AOPEP: variants seen among roughly 807,000 people sequenced by gnomAD.
AOPEP encodes the protein aminopeptidase O.
In AOPEP, 77 loss-of-function variants were observed where a neutral mutation model predicts 98.1. The ratio of observed to expected loss-of-function variants is 0.78; its 90% CI spans 0.65 to 0.95. The LOEUF is 0.95. Ranked by LOEUF, AOPEP falls within the 40% of genes least tolerant of loss-of-function variation. The probability of loss-of-function intolerance (pLI) is 0.00; values close to 1 mark genes in which losing one functional copy is unlikely to be tolerated. For missense variants in AOPEP, 1,024 were observed against 1,024.7 expected, an observed-to-expected ratio of 1.00 and a Z score of 0.01; for synonymous variants, 346 against 365.3, an observed-to-expected ratio of 0.95 and a Z score of 0.60.
At chr9:95,029,682 G>A (rs1195310113) in intron 13 of AOPEP, among the ~76,000 whole-genome samples, 1 of 152,148 alleles carries the variant, frequency 6.6e-6, no homozygotes, top group Admixed American at 6.5e-5. Context: ...TGTTTTGTAA[G>A]CATCTTCTCC....
intron 1 of AOPEP, among the ~76,000 whole-genome samples, chr9:94,752,283 T>C (rs1234646931): frequency 6.6e-6 from 1 of 151,968 alleles, no homozygotes; most frequent in Non-Finnish European, 1.5e-5. Context: ...TCAACTGAAG[T>C]GTAAGGAAAT....
At chr9:95,071,032 A>C (rs115020271) in intron 14 of AOPEP, among the ~76,000 whole-genome samples, 2,084 of 152,334 alleles carry the variant, frequency 0.014, 43 homozygotes, top group African/African-American at 0.047. Context: ...AGTGAGCTGT[A>C]GTATATTAAC....
the AOPEP span, chr9:95,110,884 A>G: frequency 8.1e-7 from 1 of 1,234,806 alleles, no homozygotes. Context: ...ACAGTTATCC[A>G]GTCCCATACT....
At chr9:94,955,450 A>G (rs1359760688) in intron 8 of AOPEP, among the ~76,000 whole-genome samples, 171 bp downstream of exon 8, 1 of 152,204 alleles carries the variant, frequency 6.6e-6, no homozygotes. Context: ...CCAAAAAAGG[A>G]GACCAAGTTA....
At chr9:94,836,782 G>C (rs2041655470) in intron 5 of AOPEP, among the ~76,000 whole-genome samples, 1 of 151,492 alleles carries the variant, frequency 6.6e-6, no homozygotes, top group Admixed American at 6.5e-5. Context: ...TCTAACTCCA[G>C]ATCACAGAGA....
At chr9:95,087,961 A>C (rs772532701), downstream of AOPEP, among the ~76,000 whole-genome samples, 3 of 152,194 alleles carry the variant, frequency 2.0e-5, no homozygotes, top group Non-Finnish European at 4.4e-5. Context: ...GGATCTCATT[A>C]GAAGCTCTGG....
chr9:94,763,833 G>A (rs1838942944), intron 2 of AOPEP, among the ~76,000 whole-genome samples: 1 of 152,192 alleles, frequency 6.6e-6, no homozygotes, highest in Non-Finnish European at 1.5e-5. Flanking sequence ...CCAAAAGTAT[G>A]AAATAGCCAT....
Position 94,997,004 on chromosome 9 carries a change from T to C in AOPEP, c.1978-8154T>C, listed in dbSNP as rs575095731. 3.3e-5 allele frequency among the ~76,000 whole-genome samples: 5 copies of C among 152,308 alleles called. No homozygotes were observed. In the East Asian group the frequency reaches 9.6e-4, roughly 29 times the overall value. On this transcript the variant is annotated intron_variant, in intron 11 of 16. Coordinates refer to ENST00000375315, the MANE Select transcript of AOPEP (RefSeq NM_001193329.3). ...AATGGATGGCAGCCCTCAGCATAAT[T>C]AGAACATCATCTACAGATGATGAGT...
At chr9:95,062,111 A>G (rs570444153) in intron 14 of AOPEP, among the ~76,000 whole-genome samples, 1 of 152,310 alleles carries the variant, frequency 6.6e-6, no homozygotes, top group African/African-American at 2.4e-5. Context: ...TCCGTTTAGC[A>G]TAAAACATGT....
the AOPEP span, among the ~76,000 whole-genome samples, chr9:95,142,294 C>T: frequency 4.6e-5 from 7 of 151,754 alleles, no homozygotes; most frequent in African/African-American, 1.5e-4. Context: ...TGCCCGGCCA[C>T]CAACAGTTTT....
the AOPEP span, among the ~76,000 whole-genome samples, chr9:95,142,169 T>A: frequency 6.6e-6 from 1 of 151,928 alleles, no homozygotes; most frequent in African/African-American, 2.4e-5. Context: ...ATTTTTGTAT[T>A]TTTAGTAGAG....
At chr9:94,831,246 G>A (rs1189679608) in intron 5 of AOPEP, among the ~76,000 whole-genome samples, 1 of 152,134 alleles carries the variant, frequency 6.6e-6, no homozygotes, top group Non-Finnish European at 1.5e-5. Flanking sequence ...TTAAGGAAGG[G>A]GTTCCAGTTT....
intron 13 of AOPEP, among the ~76,000 whole-genome samples, chr9:95,030,063 T>C (rs975099475): frequency 6.6e-6 from 1 of 152,372 alleles, no homozygotes; most frequent in Admixed American, 6.5e-5. Flanking sequence ...GCATATTTAG[T>C]TTCTTGTTTT....
intron 13 of AOPEP, among the ~76,000 whole-genome samples, chr9:95,026,754 T>C (rs1414378146): frequency 6.6e-6 from 1 of 151,882 alleles, no homozygotes; most frequent in Admixed American, 6.6e-5. Flanking sequence ...GTAAATGGAG[T>C]GATTTAAGAA....
At chr9:94,772,792 A>T (rs1417335559) in intron 2 of AOPEP, among the ~76,000 whole-genome samples, 1 of 152,214 alleles carries the variant, frequency 6.6e-6, no homozygotes, top group Non-Finnish European at 1.5e-5. Flanking sequence ...TTACATATTT[A>T]AGTAATTCAT....
chr9:95,000,100 G>A (rs941078986), intron 11 of AOPEP, among the ~76,000 whole-genome samples: 8 of 152,042 alleles, frequency 5.3e-5, no homozygotes, highest in African/African-American at 1.9e-4. Flanking sequence ...TAAGAGGTCC[G>A]TTTGGCAGGG....
rs969169341 is a variant in AOPEP at position 94,972,150 on chromosome 9, G to A, written c.1916+4349G>A. On this transcript the variant is annotated intron_variant, in intron 10 of 16. Transcript: ENST00000375315. This position sits in a 1 kb window ranked among gnomAD's most constrained non-coding sequence, Gnocchi z 4.2. ...GGTGGTGGGTTTGAGAGTAAATAAC[G>A]GCCAAGGCATACTTTAGAGTTGCCA... Among the ~76,000 whole-genome samples the A allele has an allele frequency of 3.3e-5, 5 of 152,136 alleles. No homozygotes were observed. Among genetic ancestry groups the A allele is most frequent in the African/African-American group, 1.2e-4 (5 of 41,412 alleles).
intron 2 of AOPEP, among the ~76,000 whole-genome samples, chr9:94,761,794 G>A (rs556222942): frequency 4.1e-4 from 62 of 152,306 alleles, no homozygotes; most frequent in Admixed American, 1.0e-3. Context: ...AAAGCGTAGT[G>A]ATTTATTTAT....
chr9:94,884,506 A>G (rs72748542), intron 5 of AOPEP, among the ~76,000 whole-genome samples: 4,385 of 152,284 alleles, frequency 0.029, 171 homozygotes, highest in African/African-American at 0.083. Context: ...TGGGATATAA[A>G]GAGGCTGTAC....
Sources: allele counts gnomAD v4.1 joint callset (sites outside exome capture counted in the v4.1 genomes callset), GRCh38; gene constraint gnomAD v4.1.1; non-coding constraint Gnocchi (gnomAD v3.1); transcripts MANE v1.5; gene names NCBI Gene and HGNC (gene_info 2026-07-23, HGNC 2026-07-21).